Variants in EPHA3 observed in about 807,000 individuals in gnomAD.
EPHA3 encodes the protein EPH receptor A3, also known as ephrin type-A receptor 3.
A neutral mutation model predicts 107.1 loss-of-function variants in EPHA3; 42 were observed. That is an observed-to-expected ratio of 0.39 (90% CI 0.31 to 0.51). EPHA3 has a LOEUF of 0.51. Ranked by LOEUF, EPHA3 falls within the 20% of genes least tolerant of loss-of-function variation. EPHA3 has a pLI of 0.78. For synonymous variants in EPHA3, 461 were observed against 424.8 expected (o/e 1.09, Z -1.05); for missense variants, 1,183 against 1,211.2 (o/e 0.98, Z 0.35).
intron 3 of EPHA3, among the ~76,000 whole-genome samples, chr3:89,273,859 G>A (rs1441660302): frequency 6.6e-6 from 1 of 151,892 alleles, no homozygotes; most frequent in East Asian, 1.9e-4. Context: ...GCATATTACA[G>A]CCTTCTTGCA....
chr3:89,284,718 G>A (rs185037150), intron 3 of EPHA3, among the ~76,000 whole-genome samples: 2 of 152,154 alleles, frequency 1.3e-5, no homozygotes, highest in Admixed American at 1.3e-4. Context: ...TAGCCTAAAA[G>A]GCCCCAAATG....
intron 2 of EPHA3, among the ~76,000 whole-genome samples, chr3:89,173,249 A>G (rs1255339068): frequency 6.6e-6 from 1 of 152,076 alleles, no homozygotes; most frequent in Non-Finnish European, 1.5e-5. Flanking sequence ...TGTTTTGCTT[A>G]TAGAATGTTT....
chr3:89,108,047 G>A (rs938920780), intron 1 of EPHA3, among the ~76,000 whole-genome samples: 2 of 152,072 alleles, frequency 1.3e-5, no homozygotes, highest in African/African-American at 4.8e-5. Flanking sequence ...TTGAAAATGT[G>A]TTTTTAATCT....
intron 5 of EPHA3, among the ~76,000 whole-genome samples, chr3:89,345,306 C>A (rs571578391): frequency 2.6e-5 from 4 of 151,272 alleles, no homozygotes; most frequent in Non-Finnish European, 4.4e-5. Context: ...AACATTTCAT[C>A]AAGACAGCAA....
intron 3 of EPHA3, among the ~76,000 whole-genome samples, chr3:89,302,485 G>A (rs1706514682): frequency 6.6e-6 from 1 of 152,090 alleles, no homozygotes; most frequent in African/African-American, 2.4e-5. Context: ...TCCTAAGTCA[G>A]TAGAAGCTGA....
At chr3:89,307,010 A>G (rs1303915780) in intron 3 of EPHA3, among the ~76,000 whole-genome samples, 1 of 152,222 alleles carries the variant, frequency 6.6e-6, no homozygotes, top group African/African-American at 2.4e-5. Context: ...CAAATTTAAA[A>G]GAACACTAAT....
chr3:89,292,463 C>G (rs1355856823), intron 3 of EPHA3, among the ~76,000 whole-genome samples: 1 of 152,118 alleles, frequency 6.6e-6, no homozygotes, highest in Admixed American at 6.6e-5. Flanking sequence ...GGAACGAGTT[C>G]CCTGTGGAAC....
At chr3:89,363,497 T>C (rs1224609531) in intron 5 of EPHA3, among the ~76,000 whole-genome samples, 2 of 150,872 alleles carry the variant, frequency 1.3e-5, no homozygotes. Flanking sequence ...ACGGACTGAA[T>C]GAGGCCCACA....
chr3:89,383,366 G>A (rs142225040), intron 5 of EPHA3, among the ~76,000 whole-genome samples: 2 of 152,236 alleles, frequency 1.3e-5, no homozygotes, highest in East Asian at 3.9e-4. Context: ...TGTTAGAATG[G>A]AGGGTGGGCA....
At chr3:89,294,979 T>C (rs1166504049) in intron 3 of EPHA3, among the ~76,000 whole-genome samples, 1 of 152,200 alleles carries the variant, frequency 6.6e-6, no homozygotes, top group Non-Finnish European at 1.5e-5. Flanking sequence ...GTTTGATCCT[T>C]GTGAGTTCTG....
chr3:89,359,973 T>G (rs1450819467), intron 5 of EPHA3, among the ~76,000 whole-genome samples: 1 of 150,002 alleles, frequency 6.7e-6, no homozygotes. Flanking sequence ...AGATATCATT[T>G]AAGCCTTAAA....
chr3:89,393,087 G>A (rs1708777536), intron 5 of EPHA3, among the ~76,000 whole-genome samples: 2 of 152,130 alleles, frequency 1.3e-5, no homozygotes, highest in African/African-American at 4.8e-5. Context: ...CTGGTGTACT[G>A]AGTTGAACTT....
chr3:89,129,602 G>GTTTTT (rs11378105), intron 2 of EPHA3, among the ~76,000 whole-genome samples: 15 of 134,392 alleles, frequency 1.1e-4, no homozygotes, highest in African/African-American at 2.4e-4. Flanking sequence ...ACATTAGATT[G>GTTTTT]TTTTTTTTTT....
chr3:89,467,715 A>G (rs1038216496), intron 15 of EPHA3, among the ~76,000 whole-genome samples: 55 of 152,236 alleles, frequency 3.6e-4, no homozygotes, highest in Non-Finnish European at 5.4e-4. Flanking sequence ...TATAAAACCC[A>G]TGAAAGAATA....
chr3:89,266,195 T>A (rs1188148589), intron 3 of EPHA3, among the ~76,000 whole-genome samples: 3 of 152,146 alleles, frequency 2.0e-5, no homozygotes, highest in Non-Finnish European at 4.4e-5. Context: ...GAAGTGGGCA[T>A]TTGTATTGAT....
In EPHA3 at chr3:89,479,519, G is replaced by A. The variant is rs1443960793; in HGVS notation, c.*17G>A. ...CCCGTGTAAAGCACGGGACGGAAGT[G>A]CTTCTGGACGGAAGTGGTGGCTGTG... is the stretch of plus-strand genomic sequence containing the variant. On this transcript the variant is annotated 3_prime_UTR_variant, in exon 17 of 17. Coordinates refer to ENST00000336596, the MANE Select transcript of EPHA3 (RefSeq NM_005233.6). The A allele has an allele frequency of 6.3e-7, 1 of 1,597,680 alleles. No homozygotes were observed. The highest frequency in any genetic ancestry group is 8.6e-7 in the Non-Finnish European group (1 of 1,165,416).
chr3:89,230,001 A>G (rs1289199247), intron 3 of EPHA3, among the ~76,000 whole-genome samples: 1 of 152,144 alleles, frequency 6.6e-6, no homozygotes, highest in African/African-American at 2.4e-5. Flanking sequence ...AACATTTTAC[A>G]TACCACCTTG....
intron 2 of EPHA3, among the ~76,000 whole-genome samples, chr3:89,175,876 T>G (rs900157789): frequency 3.3e-5 from 5 of 152,168 alleles, no homozygotes; most frequent in Non-Finnish European, 5.9e-5. Context: ...TCTCCAGGAC[T>G]GAATTCCTCC....
At position 89,449,217 on chromosome 3, in the gene EPHA3, A is replaced by AT; in HGVS notation, c.2347-6dup. On this transcript the variant is annotated splice_region_variant and splice_polypyrimidine_tract_variant and intron_variant, in intron 13 of 16. Transcript: ENST00000336596. ...CTGATTTATGTAGACATGATTTTAT[A>AT]TTCAAAGGGAGGGAAGATCCCAATC... 6.3e-7 allele frequency: 1 copy of AT among 1,599,914 alleles called. No homozygotes were observed.
Sources: gnomAD v4.1 joint callset for allele counts (sites outside exome capture counted in the v4.1 genomes callset) on GRCh38, gnomAD v4.1.1 for gene constraint, MANE v1.5 for transcripts, NCBI Gene and HGNC (gene_info 2026-07-23, HGNC 2026-07-21) for gene names.